CHRM2: variants seen among roughly 807,000 people sequenced by gnomAD.
CHRM2 encodes the protein muscarinic acetylcholine receptor M2.
A neutral mutation model predicts 25.0 loss-of-function variants in CHRM2; 8 were observed. The ratio of observed to expected loss-of-function variants is 0.32; its 90% CI spans 0.19 to 0.58. CHRM2 has a LOEUF of 0.58. Ranked by LOEUF, CHRM2 falls within the 20% of genes least tolerant of loss-of-function variation. CHRM2 has a pLI of 0.88. For missense variants in CHRM2, 440 were observed against 567.1 expected (o/e 0.78, Z 2.28); for synonymous variants, 202 against 205.7 (o/e 0.98, Z 0.15).
Position 137,003,275 on chromosome 7 carries a change from T to A in CHRM2, c.-47+11011T>A, listed in dbSNP as rs550212481. Among the ~76,000 whole-genome samples, 30 of 152,294 alleles carry A rather than the reference T, an allele frequency of 2.0e-4. No individual in the cohort carries two copies. The South Asian group carries it at 5.4e-3, about 27-fold the overall frequency. On this transcript the variant is annotated intron_variant, in intron 3 of 3. Coordinates refer to ENST00000680005, the MANE Select transcript of CHRM2 (RefSeq NM_001006630.2). Reference sequence around the variant, plus strand: ...TCAAATGCCATTCTTCAAGCTTCCATAATTGCTTACAGGAGTCTTGTTTTG... The same window carrying A: ...TCAAATGCCATTCTTCAAGCTTCCAAAATTGCTTACAGGAGTCTTGTTTTG...
intron 2 of CHRM2, among the ~76,000 whole-genome samples, chr7:136,967,551 T>C (rs1003191684): frequency 7.2e-5 from 11 of 152,182 alleles, no homozygotes; most frequent in Non-Finnish European, 1.5e-4. Context: ...AAAGAAAAGT[T>C]GAGTATTTTG....
chr7:136,904,026 G>A (rs1797388546), intron 2 of CHRM2, among the ~76,000 whole-genome samples: 1 of 151,750 alleles, frequency 6.6e-6, no homozygotes, highest in South Asian at 2.1e-4. Context: ...CTCTTTTAAT[G>A]TACTATTGAA....
At chr7:137,013,566 T>C (rs1245604302) in intron 3 of CHRM2, among the ~76,000 whole-genome samples, 1 of 151,992 alleles carries the variant, frequency 6.6e-6, no homozygotes, top group Non-Finnish European at 1.5e-5. Flanking sequence ...CAGATGCTGT[T>C]TCTCCAGAAA....
chr7:136,913,626 T>C (rs1356047707), intron 2 of CHRM2, among the ~76,000 whole-genome samples: 1 of 151,830 alleles, frequency 6.6e-6, no homozygotes, highest in African/African-American at 2.4e-5. Context: ...AACCTAGTAA[T>C]TTTTTTTGAG....
chr7:136,948,248 C>T (rs1041945773), intron 2 of CHRM2, among the ~76,000 whole-genome samples: 1 of 151,778 alleles, frequency 6.6e-6, no homozygotes, highest in Non-Finnish European at 1.5e-5. Flanking sequence ...ACATTATTAA[C>T]TGGAAGATAG....
At chr7:136,997,467 T>C (rs1261624247) in intron 3 of CHRM2, among the ~76,000 whole-genome samples, 4 of 152,156 alleles carry the variant, frequency 2.6e-5, no homozygotes, top group Non-Finnish European at 4.4e-5. Context: ...ATGTTCTAAT[T>C]TGAAAATCAG....
intron 2 of CHRM2, among the ~76,000 whole-genome samples, chr7:136,893,381 A>C (rs576790746): frequency 1.4e-4 from 22 of 152,346 alleles, no homozygotes; most frequent in African/African-American, 5.3e-4. Context: ...TCAATGGCCT[A>C]AATTAAAATA....
intron 2 of CHRM2, among the ~76,000 whole-genome samples, chr7:136,939,836 T>C (rs1001521814): frequency 1.3e-5 from 2 of 152,222 alleles, no homozygotes; most frequent in Non-Finnish European, 2.9e-5. Flanking sequence ...AAATTAAATA[T>C]TGTGAAATGC....
intron 3 of CHRM2, among the ~76,000 whole-genome samples, chr7:136,994,621 C>T (rs1315890819): frequency 6.9e-6 from 1 of 145,966 alleles, no homozygotes; most frequent in African/African-American, 2.5e-5. Context: ...ACCTCCTCCT[C>T]GTGGGTCCAA....
intron 2 of CHRM2, among the ~76,000 whole-genome samples, chr7:136,875,037 T>C (rs1795993494): frequency 6.6e-6 from 1 of 150,642 alleles, no homozygotes; most frequent in Non-Finnish European, 1.5e-5. Flanking sequence ...TATATATATA[T>C]ATGTAAAAAA....
chr7:137,008,236 C>T (rs1169933059), intron 3 of CHRM2, among the ~76,000 whole-genome samples: 1 of 152,102 alleles, frequency 6.6e-6, no homozygotes, highest in Non-Finnish European at 1.5e-5. Context: ...GTATCCTTTA[C>T]TACCAACCGC....
intron 3 of CHRM2, among the ~76,000 whole-genome samples, chr7:137,006,981 G>A (rs906066584): frequency 1.3e-5 from 2 of 152,038 alleles, no homozygotes; most frequent in Non-Finnish European, 2.9e-5. Flanking sequence ...AAACCCACCA[G>A]CAGTATTTTG....
chr7:136,900,375 C>G (rs1797129908), intron 2 of CHRM2, among the ~76,000 whole-genome samples: 1 of 151,974 alleles, frequency 6.6e-6, no homozygotes, highest in Non-Finnish European at 1.5e-5. Flanking sequence ...GAAGTAAAAC[C>G]AGACTGATTT....
intron 2 of CHRM2, among the ~76,000 whole-genome samples, chr7:136,928,751 C>T (rs907049730): frequency 2.0e-5 from 3 of 152,128 alleles, no homozygotes; most frequent in Non-Finnish European, 2.9e-5. Context: ...AATCAGATAC[C>T]TCATTTGAAT....
chr7:136,955,386 C>T (rs1014264127), intron 2 of CHRM2, among the ~76,000 whole-genome samples: 2 of 152,172 alleles, frequency 1.3e-5, no homozygotes, highest in African/African-American at 2.4e-5. Flanking sequence ...TTGGAATACT[C>T]TTGTCCTCGG....
At chr7:136,921,877 G>T (rs1171946704) in intron 2 of CHRM2, among the ~76,000 whole-genome samples, 2 of 150,792 alleles carry the variant, frequency 1.3e-5, no homozygotes, top group Non-Finnish European at 3.0e-5. Flanking sequence ...CCCCTCCCAG[G>T]TTCAAGTGCC....
chr7:136,977,090 A>T (rs1802152069), intron 2 of CHRM2, among the ~76,000 whole-genome samples: 1 of 152,220 alleles, frequency 6.6e-6, no homozygotes, highest in Non-Finnish European at 1.5e-5. Flanking sequence ...AAGATAGAAC[A>T]TCTGTTTGCT....
chr7:136,996,628 C>T (rs1037334635), intron 3 of CHRM2, among the ~76,000 whole-genome samples: 4 of 152,066 alleles, frequency 2.6e-5, no homozygotes, highest in African/African-American at 7.2e-5. Flanking sequence ...AAGTTTGCTA[C>T]ACTATTATAT....
intron 2 of CHRM2, among the ~76,000 whole-genome samples, chr7:136,928,717 T>C (rs1455654094): frequency 1.3e-5 from 2 of 152,178 alleles, no homozygotes; most frequent in African/African-American, 2.4e-5. Context: ...CAGTGCTGCA[T>C]ACTGGAAAGA....
Sources: allele counts gnomAD v4.1 joint callset (sites outside exome capture counted in the v4.1 genomes callset), GRCh38; gene constraint gnomAD v4.1.1; transcripts MANE v1.5; gene names NCBI Gene and HGNC (gene_info 2026-07-23, HGNC 2026-07-21).